The following TJP1 variants were observed in gnomAD, a reference collection of about 807,000 sequenced individuals.
TJP1 encodes the protein tight junction protein 1.
In TJP1, 43 loss-of-function variants were observed where a neutral mutation model predicts 194.2. The ratio of observed to expected loss-of-function variants is 0.22; its 90% CI spans 0.17 to 0.29. TJP1 has a LOEUF of 0.29. Among genes scored for constraint, TJP1 ranks in the 10% least tolerant of loss-of-function variants. The probability of loss-of-function intolerance (pLI) is 1.00; values close to 1 mark genes in which losing one functional copy is unlikely to be tolerated. For missense variants in TJP1, 1,971 were observed against 2,185.7 expected (o/e 0.90, Z 1.96); for synonymous variants, 801 against 779.0 (o/e 1.03, Z -0.47).
rs772228549 is a variant in TJP1 at position 29,708,751 on chromosome 15, A to C, written c.4658T>G (p.Leu1553Arg). 9 of 1,614,256 alleles carry C rather than the reference A, an allele frequency of 5.6e-6. No individual in the cohort carries two copies. In the Admixed American group the frequency reaches 1.5e-4, roughly 27 times the overall value. Residue 1553 changes from leucine to arginine, a missense_variant, in exon 25 of 28, where the codon CTG (leucine) becomes CGG (arginine). Coordinates refer to ENST00000614355, the MANE Select transcript of TJP1 (RefSeq NM_001330239.4). ...AGGTTTATGTGCAGTTTCACTTGGCAGAAGATTGTGATTGAATTTAGGACT... is the reference window on the plus strand; with the variant it reads ...AGGTTTATGTGCAGTTTCACTTGGCCGAAGATTGTGATTGAATTTAGGACT... ...FESPKFNHNL[L>R]PSETAHKPDL...
intron 2 of TJP1, among the ~76,000 whole-genome samples, chr15:29,889,885 G>A (rs180701918): frequency 3.8e-4 from 58 of 152,320 alleles, no homozygotes; most frequent in African/African-American, 1.3e-3. Flanking sequence ...TTTGGTAAAC[G>A]ACTTCACTAA....
At chr15:29,815,768 T>C (rs1306120497) in intron 1 of TJP1, among the ~76,000 whole-genome samples, 1 of 152,228 alleles carries the variant, frequency 6.6e-6, no homozygotes, top group Non-Finnish European at 1.5e-5. Context: ...TGGTGATCTA[T>C]CATATTTATA....
chr15:29,942,635 G>A (rs746349966), intron 2 of TJP1, among the ~76,000 whole-genome samples: 13 of 152,178 alleles, frequency 8.5e-5, no homozygotes, highest in African/African-American at 1.2e-4. Context: ...ACTCCTCTCC[G>A]TTTGGAAGAT....
intron 2 of TJP1, among the ~76,000 whole-genome samples, chr15:29,858,412 T>A (rs1030238711): frequency 1.6e-4 from 25 of 152,000 alleles, no homozygotes; most frequent in African/African-American, 6.0e-4. Context: ...AAAATAAAAT[T>A]AAAAAATATG....
At chr15:29,960,651 A>AAG (rs1555461601) in intron 1 of TJP1, among the ~76,000 whole-genome samples, 2 of 150,890 alleles carry the variant, frequency 1.3e-5, no homozygotes, top group Admixed American at 6.6e-5. Flanking sequence ...AAAAAAAAAA[A>AAG]GTAATAATCA....
In TJP1 at chr15:29,761,744, A is replaced by G; in HGVS notation, c.719T>C (p.Met240Thr). 1 of 1,577,004 alleles carries G rather than the reference A, an allele frequency of 6.3e-7. No homozygotes were observed. The highest frequency in any genetic ancestry group is 8.7e-7 in the Non-Finnish European group (1 of 1,152,942). The change falls in exon 7 of 28, where the codon ATG becomes ACG. Residue 240 changes from methionine to threonine, a missense_variant. Met to Thr is a moderately conservative substitution (Grantham distance 81). Coordinates refer to ENST00000614355, the MANE Select transcript of TJP1 (RefSeq NM_001330239.4). ...LKINGTVTEN[M>T]SLTDAKTLIE... Reference sequence around the variant, plus strand: ...CAATGTCTTTGCATCTGTCAATGACATATTTTCTGTCACAGTACCATTTAT... The same window carrying G: ...CAATGTCTTTGCATCTGTCAATGACGTATTTTCTGTCACAGTACCATTTAT...
chr15:29,799,569 C>G (rs1469130802), intron 2 of TJP1, among the ~76,000 whole-genome samples: 1 of 151,964 alleles, frequency 6.6e-6, no homozygotes, highest in East Asian at 1.9e-4. Flanking sequence ...CACCCGCCAC[C>G]ACGCCTGGCT....
At chr15:29,915,704 G>A (rs2054162138) in intron 2 of TJP1, among the ~76,000 whole-genome samples, 1 of 152,146 alleles carries the variant, frequency 6.6e-6, no homozygotes, top group African/African-American at 2.4e-5. Context: ...CTTTCTTAGT[G>A]TTTGTCATCA....
chr15:29,906,454 C>T (rs559038511), intron 2 of TJP1, among the ~76,000 whole-genome samples: 8 of 108,212 alleles, frequency 7.4e-5, no homozygotes, highest in South Asian at 2.9e-4. Context: ...GGCGATAGAG[C>T]GAGACTCCGT....
intron 2 of TJP1, among the ~76,000 whole-genome samples, chr15:29,858,227 T>C (rs1016322233): frequency 5.3e-5 from 8 of 152,052 alleles, no homozygotes; most frequent in Non-Finnish European, 1.0e-4. Flanking sequence ...ATGTCGAAAC[T>C]TCGTCTCTAT....
intron 2 of TJP1, among the ~76,000 whole-genome samples, chr15:29,776,643 C>G (rs1008175689): frequency 3.3e-5 from 5 of 152,012 alleles, no homozygotes; most frequent in Non-Finnish European, 5.9e-5. Flanking sequence ...GTATTTTATC[C>G]ATGTATAATT....
At chr15:29,968,274 T>C (rs1017871506) in intron 1 of TJP1, 428 of 984,876 alleles carry the variant, frequency 4.3e-4, no homozygotes, top group Admixed American at 6.1e-4. Flanking sequence ...GTGATACCAA[T>C]GAATTCTTCT....
At chr15:29,737,154 G>A in intron 11 of TJP1, 110 bp downstream of exon 11, 1 of 1,346,782 alleles carries the variant, frequency 7.4e-7, no homozygotes, top group Non-Finnish European at 1.0e-6. Context: ...TGGCTCAATG[G>A]AGACTGCTTA....
chr15:29,786,516 T>C (rs1267642916), intron 2 of TJP1, among the ~76,000 whole-genome samples: 1 of 152,242 alleles, frequency 6.6e-6, no homozygotes, highest in Non-Finnish European at 1.5e-5. Context: ...TTTTGTTTTT[T>C]AGAGACAGGG....
intron 8 of TJP1, among the ~76,000 whole-genome samples, chr15:29,757,779 C>T (rs181260675): frequency 2.8e-4 from 43 of 152,132 alleles, no homozygotes; most frequent in Non-Finnish European, 5.4e-4. Context: ...TAGCAGTGCA[C>T]ATAAGAGAAA....
chr15:29,904,203 T>C (rs1181156056), intron 2 of TJP1, among the ~76,000 whole-genome samples: 1 of 152,132 alleles, frequency 6.6e-6, no homozygotes, highest in Non-Finnish European at 1.5e-5. Context: ...TAAATGTGAT[T>C]AGCAGGAGAG....
At chr15:29,718,217 C>A (rs1366407232) in intron 21 of TJP1, 49 bp downstream of exon 21, 1 of 1,594,466 alleles carries the variant, frequency 6.3e-7, no homozygotes, top group Non-Finnish European at 8.5e-7. Flanking sequence ...AGCCAAGAAG[C>A]CTTTTAAACG....
chr15:29,711,427 G>A (rs1319242927), intron 23 of TJP1, among the ~76,000 whole-genome samples: 4 of 152,056 alleles, frequency 2.6e-5, no homozygotes, highest in South Asian at 2.1e-4. Flanking sequence ...GTGCAGTGGC[G>A]CGATCTCAGT....
chr15:29,762,363 T>C lies in TJP1; in HGVS notation c.665A>G (p.Asn222Ser), dbSNP rs200933386. 16 of 1,613,448 alleles carry C rather than the reference T, an allele frequency of 9.9e-6. No homozygotes were observed. Among genetic ancestry groups the C allele is most frequent in the East Asian group, 2.2e-5 (1 of 44,842 alleles). ...CAATACAACATCACCTTCTTGAATA[T>C]TGCCATCTCTTGCTGCCAAACTATC... is the stretch of plus-strand genomic sequence containing the variant. ...SQDSLAARDG[N>S]IQEGDVVLKI... is the part of the protein sequence containing the mutation. Residue 222 changes from asparagine to serine, a missense_variant, in exon 6 of 28, where the codon AAT becomes AGT. Asn to Ser is a conservative substitution (Grantham distance 46). Around this residue, in one of 5 missense-constraint regions of TJP1, gnomAD observed 245 missense variants for 336.6 expected, o/e 0.73. Transcript: ENST00000614355.
Sources: allele counts gnomAD v4.1 joint callset (sites outside exome capture counted in the v4.1 genomes callset), GRCh38; gene constraint gnomAD v4.1.1; regional missense constraint gnomAD v4.1.1; transcripts MANE v1.5; gene names NCBI Gene and HGNC (gene_info 2026-07-23, HGNC 2026-07-21).